The following TRMT11 variants were observed in gnomAD, a reference collection of about 807,000 sequenced individuals.
The protein encoded by TRMT11 is tRNA (guanine(10)-N(2))-methyltransferase TRMT11.
In TRMT11, 53 loss-of-function variants were observed where a neutral mutation model predicts 62.8. The observed-to-expected ratio is 0.84, with a 90% CI of 0.68 to 1.06. The LOEUF (loss-of-function observed/expected upper bound fraction) is 1.06. Ranked by LOEUF, TRMT11 falls within the 50% of genes least tolerant of loss-of-function variation. The pLI is 0.00. For synonymous variants in TRMT11, 188 were observed against 190.3 expected (o/e 0.99, Z 0.10); for missense variants, 556 against 553.4 (o/e 1.00, Z -0.05).
Position 126,012,764 on chromosome 6 carries a change from T to C in TRMT11, c.926-7T>C. 1 of 1,610,226 alleles carries C rather than the reference T, an allele frequency of 6.2e-7. No individual in the cohort carries two copies. The highest frequency in any genetic ancestry group is 1.1e-5 in the South Asian group (1 of 90,770). On this transcript the variant is annotated splice_region_variant and splice_polypyrimidine_tract_variant and intron_variant, in intron 9 of 12. Coordinates refer to ENST00000334379, the MANE Select transcript of TRMT11 (RefSeq NM_001031712.3). ...GACTATCTGTGTTACCTTTGTTTTC[T>C]GTCTAGCTCCATATGGTATCAGAGA...
chr6:126,072,594 A>G (rs763979045), intron 17 of TRMT11, among the ~76,000 whole-genome samples: 1 of 152,218 alleles, frequency 6.6e-6, no homozygotes, highest in Non-Finnish European at 1.5e-5. Flanking sequence ...TACATTTTAT[A>G]TGTGTATCTT....
chr6:126,079,925 G>A (rs1377685540), intron 17 of TRMT11, among the ~76,000 whole-genome samples: 1 of 152,120 alleles, frequency 6.6e-6, no homozygotes, highest in Non-Finnish European at 1.5e-5. Flanking sequence ...CACAAGGTAT[G>A]CACATTCACT....
At chr6:126,094,644 C>T (rs573980999) in intron 17 of TRMT11, among the ~76,000 whole-genome samples, 61 of 152,320 alleles carry the variant, frequency 4.0e-4, no homozygotes, top group African/African-American at 1.4e-3. Flanking sequence ...CCAAGGATTT[C>T]GTCTAGGCCT....
At chr6:126,131,685 G>A (rs1275747260) in intron 21 of TRMT11, among the ~76,000 whole-genome samples, 3 of 151,746 alleles carry the variant, frequency 2.0e-5, no homozygotes, top group Non-Finnish European at 2.9e-5. Context: ...TTTCTTCCAG[G>A]CCTCAAAAAG....
intron 12 of TRMT11, among the ~76,000 whole-genome samples, chr6:126,021,744 C>T (rs144520678): frequency 3.4e-4 from 52 of 152,312 alleles, no homozygotes; most frequent in African/African-American, 1.2e-3. Flanking sequence ...CTCTCTCTTA[C>T]ATACAAAATT....
chr6:126,061,456 C>T (rs1018245323), intron 17 of TRMT11, among the ~76,000 whole-genome samples: 3 of 151,906 alleles, frequency 2.0e-5, no homozygotes, highest in Admixed American at 6.6e-5. Context: ...TGTCTTGCCT[C>T]TCAGTAAATT....
rs981739221 is a variant in TRMT11 at position 126,036,874 on chromosome 6, G to A, written c.1261-1831G>A. ...CGTTATCCTGGCACAGTCCTGATATGTGGACCAGACTTGAGTCTACCTGTG... is the reference window on the plus strand; with the variant it reads ...CGTTATCCTGGCACAGTCCTGATATATGGACCAGACTTGAGTCTACCTGTG... On this transcript the variant is annotated intron_variant, in intron 12 of 12. Coordinates refer to ENST00000334379, the MANE Select transcript of TRMT11 (RefSeq NM_001031712.3). 3.6e-4 allele frequency among the ~76,000 whole-genome samples: 55 copies of A among 152,088 alleles called. 1 individual carries two copies. Among genetic ancestry groups the A allele is most frequent in the African/African-American group, 1.3e-3 (52 of 41,436 alleles).
At chr6:126,056,288 G>T (rs1776372396) in intron 17 of TRMT11, among the ~76,000 whole-genome samples, 1 of 152,186 alleles carries the variant, frequency 6.6e-6, no homozygotes. Flanking sequence ...AATCCATTAG[G>T]CGAGGAGTTG....
chr6:126,135,080 G>C (rs891058170), intron 21 of TRMT11, among the ~76,000 whole-genome samples: 19 of 151,354 alleles, frequency 1.3e-4, no homozygotes, highest in African/African-American at 4.6e-4. Context: ...TCACTTCCAG[G>C]TTACTAGAAA....
chr6:126,062,168 G>A (rs1037283538), intron 17 of TRMT11, among the ~76,000 whole-genome samples: 8 of 152,200 alleles, frequency 5.3e-5, no homozygotes, highest in Non-Finnish European at 1.0e-4. Flanking sequence ...TCACAGGTGT[G>A]AGCCACCATG....
the TRMT11 span, among the ~76,000 whole-genome samples, chr6:126,240,808 C>A: frequency 1.3e-5 from 2 of 152,234 alleles, no homozygotes; most frequent in Non-Finnish European, 2.9e-5. Flanking sequence ...CCCCCAGAGG[C>A]GGAGTCTACA....
the TRMT11 span, among the ~76,000 whole-genome samples, chr6:126,261,852 C>A: frequency 3.3e-5 from 5 of 152,088 alleles, no homozygotes; most frequent in Non-Finnish European, 7.3e-5. Context: ...GTCAGGCTTT[C>A]CAGGGAGGTG....
chr6:125,990,792 C>CT (rs1440964723), intron 1 of TRMT11, among the ~76,000 whole-genome samples: 1 of 152,018 alleles, frequency 6.6e-6, no homozygotes, highest in Non-Finnish European at 1.5e-5. Context: ...TACTCTAATA[C>CT]TTTTTTGCTT....
intron 7 of TRMT11, chr6:126,006,956 T>C (rs1793448934): frequency 6.6e-6 from 1 of 151,976 alleles, no homozygotes; most frequent in African/African-American, 2.4e-5. Context: ...TTCTTCTAGG[T>C]GAGTATCTGC....
At chr6:126,035,256 A>G (rs1030822880) in intron 12 of TRMT11, among the ~76,000 whole-genome samples, 8 of 152,114 alleles carry the variant, frequency 5.3e-5, no homozygotes, top group African/African-American at 1.2e-4. Flanking sequence ...TTTATGAACT[A>G]TGGTCTTTCC....
intron 21 of TRMT11, among the ~76,000 whole-genome samples, chr6:126,135,788 A>G (rs991065424): frequency 2.0e-5 from 3 of 151,882 alleles, no homozygotes; most frequent in Non-Finnish European, 4.4e-5. Flanking sequence ...ATCATTCTCA[A>G]TGATCAAGTG....
upstream of TRMT11, among the ~76,000 whole-genome samples, chr6:126,173,518 ACTGCAAGGCAGT>A (rs1225313099): frequency 6.6e-6 from 1 of 152,152 alleles, no homozygotes; most frequent in Non-Finnish European, 1.5e-5. Flanking sequence ...ATCTGAAAAG[ACTGCAAGGCAGT>A]CGGGGCAAGC....
At chr6:126,094,169 G>A (rs1359675556) in intron 17 of TRMT11, among the ~76,000 whole-genome samples, 1 of 151,900 alleles carries the variant, frequency 6.6e-6, no homozygotes, top group African/African-American at 2.4e-5. Flanking sequence ...CTTTTTTGAT[G>A]AAATGACTGG....
At chr6:125,991,510 T>A (rs1790625064) in intron 1 of TRMT11, among the ~76,000 whole-genome samples, 1 of 152,042 alleles carries the variant, frequency 6.6e-6, no homozygotes, top group Admixed American at 6.6e-5. Flanking sequence ...TCTCACTGTG[T>A]TGCCAGGGTT....
Sources: gnomAD v4.1 joint callset for allele counts (sites outside exome capture counted in the v4.1 genomes callset) on GRCh38, gnomAD v4.1.1 for gene constraint, MANE v1.5 for transcripts, NCBI Gene and HGNC (gene_info 2026-07-23, HGNC 2026-07-21) for gene names.